The following SNTN variants were observed in gnomAD, a reference collection of about 807,000 sequenced individuals.
The protein encoded by SNTN is sentan.
Under a neutral mutation model 12.3 loss-of-function variants are expected in SNTN, and 13 were observed. That is an observed-to-expected ratio of 1.05 (90% confidence interval 0.69 to 1.67). The LOEUF (loss-of-function observed/expected upper bound fraction) is 1.67, where lower values mean the gene tolerates loss of function less well. Among genes scored for constraint, SNTN ranks in the 40% most tolerant of loss-of-function variants. The probability of loss-of-function intolerance (pLI) is 0.00; values close to 1 mark genes in which losing one functional copy is unlikely to be tolerated. For missense variants in SNTN, 189 were observed against 169.8 expected (o/e 1.11, Z -0.63); for synonymous variants, 69 against 58.5 (o/e 1.18, Z -0.82).
Position 63,664,038 on chromosome 3 carries a change from C to T in SNTN, c.387C>T (p.Ser129=). The change falls in exon 4 of 4, where the codon AGC becomes AGT. Residue 129 remains serine (S), a synonymous_variant. Coordinates refer to ENST00000343837, the MANE Select transcript of SNTN (RefSeq NM_001080537.2). ...AAGACTTCATGATCTTGCTCTTAAG[C>T]ATCACTGTCATGTCAGATCTGCTAC... The part of the protein sequence containing the change: ...DFEDFMILLL[S]ITVMSDLLQN... 2 of 1,613,798 alleles carry T rather than the reference C, an allele frequency of 1.2e-6. No individual in the cohort carries two copies. Among genetic ancestry groups the T allele is most frequent in the Non-Finnish European group, 1.7e-6 (2 of 1,179,896 alleles).
At chr3:63,660,732 G>T (rs1700734747) in intron 3 of SNTN, among the ~76,000 whole-genome samples, 1 of 152,154 alleles carries the variant, frequency 6.6e-6, no homozygotes. Context: ...TGGGATGGAG[G>T]TAGGGAGGAG....
Position 63,659,752 on chromosome 3 carries a change from A to G in SNTN, c.173A>G (p.Lys58Arg). 1 of 1,613,958 alleles carries G rather than the reference A, an allele frequency of 6.2e-7. No homozygotes were observed. Among genetic ancestry groups the G allele is most frequent in the Non-Finnish European group, 8.5e-7 (1 of 1,179,906 alleles). Residue 58 changes from lysine (K) to arginine (R), a missense_variant, in exon 3 of 4, where the codon AAA becomes AGA. By Grantham distance (26) the Lys-to-Arg change is conservative. Coordinates refer to ENST00000343837, the MANE Select transcript of SNTN (RefSeq NM_001080537.2). ...KALRKCSDLE[K>R]AIATTALIFR... The stretch of plus-strand genomic sequence containing the variant: ...CTGAGGAAGTGCTCAGATCTGGAAA[A>G]AGCTATTGCCACCACTGCTCTGATT...
chr3:63,658,346 CTG>C (rs1229229123), intron 2 of SNTN, among the ~76,000 whole-genome samples: 1 of 151,202 alleles, frequency 6.6e-6, no homozygotes, highest in Non-Finnish European at 1.5e-5. Flanking sequence ...CAGACCCACT[CTG>C]TAATTTTTTT....
chr3:63,655,775 T>G (rs1700672913), intron 2 of SNTN, among the ~76,000 whole-genome samples: 1 of 152,188 alleles, frequency 6.6e-6, no homozygotes. Context: ...TTTTATTTAG[T>G]GGGAAGTAAT....
rs1160587385 is a variant in SNTN at position 63,664,142 on chromosome 3, T to C, written c.*47T>C. 1.5e-5 allele frequency: 22 copies of C among 1,484,460 alleles called. No homozygotes were observed. Among genetic ancestry groups the C allele is most frequent in the Non-Finnish European group, 1.6e-5 (18 of 1,103,974 alleles). 92.0% of individuals were successfully genotyped at this position (1,484,460 alleles called of 1,614,324 possible). A position where few individuals can be genotyped will look rare whatever the true frequency, so the allele number is the denominator to read the frequency against. The stretch of plus-strand genomic sequence containing the variant: ...AAAATAATGGCAAAAGACAGTGTTA[T>C]TAAAATGTTTCCATCTTATTTTTGA... On this transcript the variant is annotated 3_prime_UTR_variant, in exon 4 of 4. Coordinates refer to ENST00000343837, the MANE Select transcript of SNTN (RefSeq NM_001080537.2).
chr3:63,657,383 G>A (rs897362122), intron 2 of SNTN, among the ~76,000 whole-genome samples: 2 of 152,070 alleles, frequency 1.3e-5, no homozygotes, highest in African/African-American at 4.8e-5. Flanking sequence ...TTTACAATAT[G>A]CTTTCACATA....
intron 3 of SNTN, among the ~76,000 whole-genome samples, chr3:63,662,400 C>T (rs71298672): frequency 0.07 from 10,704 of 152,238 alleles, 519 homozygotes; most frequent in Middle Eastern, 0.13. Flanking sequence ...CACCTTATAG[C>T]CAGTCAGATA....
chr3:63,663,846 CA>C, intron 3 of SNTN, 90 bp from the exon 4 acceptor site: 1 of 1,459,096 alleles, frequency 6.9e-7, no homozygotes, highest in Non-Finnish European at 9.5e-7. Context: ...TCTATTACAG[CA>C]ACACTAAACA....
rs2106938088 is a variant in SNTN, at chr3:63,654,738, C to T, written c.111-24C>T. 3.7e-6 allele frequency: 6 copies of T among 1,609,900 alleles called. 1 individual carries two copies. The South Asian group carries it at 6.6e-5, about 18-fold the overall frequency. ...CAATACCCCAACTCCCAGAATCATT[C>T]TGTTTCTTTCATTTTGTTGGCAGGA... is the stretch of plus-strand genomic sequence containing the variant. On this transcript the variant is annotated intron_variant, in intron 1 of 3. Coordinates refer to ENST00000343837, the MANE Select transcript of SNTN (RefSeq NM_001080537.2).
Position 63,652,843 on chromosome 3 carries a change from C to T in SNTN, c.110+46C>T, listed in dbSNP as rs768569537. On this transcript the variant is annotated intron_variant, in intron 1 of 3. Coordinates refer to ENST00000343837, the MANE Select transcript of SNTN (RefSeq NM_001080537.2). Reference sequence around the variant, plus strand: ...TTTTATTGAGTTTCATTTAAGCTTGCAGATATATTTCCAAAGAGTTTATGT... The same window carrying T: ...TTTTATTGAGTTTCATTTAAGCTTGTAGATATATTTCCAAAGAGTTTATGT... 5.1e-6 allele frequency: 8 copies of T among 1,558,680 alleles called. No individual in the cohort carries two copies. The Admixed American group carries it at 1.0e-4, about 20-fold the overall frequency.
intron 3 of SNTN, among the ~76,000 whole-genome samples, chr3:63,661,957 C>T (rs772177967): frequency 2.0e-5 from 3 of 152,080 alleles, no homozygotes; most frequent in Admixed American, 6.5e-5. Context: ...AATTAAAAAC[C>T]GGTCCTTAGG....
chr3:63,659,674 A>G, intron 2 of SNTN, 51 bp from the exon 3 acceptor site: 1 of 1,606,646 alleles, frequency 6.2e-7, no homozygotes, highest in Non-Finnish European at 8.5e-7. Flanking sequence ...AGGTCTGGGG[A>G]AGGGTTATTT....
At chr3:63,663,520 G>A (rs906452014) in intron 3 of SNTN, among the ~76,000 whole-genome samples, 1 of 152,174 alleles carries the variant, frequency 6.6e-6, no homozygotes, top group Non-Finnish European at 1.5e-5. Context: ...GGCCTTATGG[G>A]AGGTGTTTGA....
intron 3 of SNTN, among the ~76,000 whole-genome samples, chr3:63,661,469 A>G (rs944679631): frequency 6.6e-6 from 1 of 152,220 alleles, no homozygotes; most frequent in Non-Finnish European, 1.5e-5. Context: ...CAAGGGTACA[A>G]CTTTCTGTGA....
chr3:63,661,809 T>C (rs1700746528), intron 3 of SNTN, among the ~76,000 whole-genome samples: 1 of 152,122 alleles, frequency 6.6e-6, no homozygotes, highest in Non-Finnish European at 1.5e-5. Flanking sequence ...GGGGCCCATA[T>C]GCCAGACAGA....
chr3:63,657,827 C>T (rs540411298), intron 2 of SNTN, among the ~76,000 whole-genome samples: 1 of 152,174 alleles, frequency 6.6e-6, no homozygotes, highest in Non-Finnish European at 1.5e-5. Context: ...CATATACTTT[C>T]TTTGCGACAT....
At chr3:63,658,401 AATATATAT>A (rs58847521) in intron 2 of SNTN, among the ~76,000 whole-genome samples, 24,784 of 123,068 alleles carry the variant, frequency 0.2, 2,182 homozygotes, top group South Asian at 0.29. Flanking sequence ...ACAAGTTGTA[AATATATAT>A]ATATATATAT....
chr3:63,653,507 A>G (rs574898582), intron 1 of SNTN, among the ~76,000 whole-genome samples: 1 of 152,132 alleles, frequency 6.6e-6, no homozygotes, highest in Non-Finnish European at 1.5e-5. Flanking sequence ...GTTACAAGTG[A>G]AAAAAATGAG....
At chr3:63,663,386 T>G (rs1318163758) in intron 3 of SNTN, among the ~76,000 whole-genome samples, 2 of 152,258 alleles carry the variant, frequency 1.3e-5, no homozygotes, top group Admixed American at 6.5e-5. Flanking sequence ...GGTGTTTTAC[T>G]GGTAGCATTG....
Sources: gnomAD v4.1 joint callset for allele counts (sites outside exome capture counted in the v4.1 genomes callset) on GRCh38, gnomAD v4.1.1 for gene constraint, MANE v1.5 for transcripts, NCBI Gene and HGNC (gene_info 2026-07-23, HGNC 2026-07-21) for gene names.